The following MYH11 variants were observed in gnomAD, a reference collection of about 807,000 sequenced individuals.
The protein encoded by MYH11 is myosin-11.
A neutral mutation model predicts 246.6 loss-of-function variants in MYH11; 80 were observed. That is an observed-to-expected ratio of 0.32 (90% CI 0.27 to 0.39). The LOEUF (loss-of-function observed/expected upper bound fraction) is 0.39, where lower values mean the gene tolerates loss of function less well. Among genes scored for constraint, MYH11 ranks in the 10% least tolerant of loss-of-function variants. The pLI is 1.00. For missense variants in MYH11, 2,158 were observed against 2,546.8 expected (o/e 0.85, Z 3.29); for synonymous variants, 1,071 against 1,015.5 (o/e 1.05, Z -1.04).
chr16:15,752,566 C>A (rs1377625896), intron 15 of MYH11, among the ~76,000 whole-genome samples: 11 of 152,134 alleles, frequency 7.2e-5, no homozygotes, highest in Admixed American at 7.2e-4. Flanking sequence ...GTAGGCCCAG[C>A]CATCTGGGTT....
At position 15,717,316 on chromosome 16, in the gene MYH11, C is replaced by T. The variant is rs773366562; in HGVS notation, c.5328G>A (p.Glu1776=). The T allele has an allele frequency of 8.1e-6, 13 of 1,611,162 alleles. No individual in the cohort carries two copies. The highest frequency in any genetic ancestry group is 1.1e-5 in the Non-Finnish European group (13 of 1,180,032). ...TCTCATTCTTCTGGGCCGTGCTGCG[C>T]TCTGTGGCCAGCTCGTTGCTGAGCT... is the stretch of plus-strand genomic sequence containing the variant. ...AEQLSNELAT[E]RSTAQKNESA... is the part of the protein sequence containing the mutation. Residue 1776 remains glutamate, a synonymous_variant, in exon 38 of 41, where the codon GAG becomes GAA. Transcript: ENST00000300036.
intron 3 of MYH11, among the ~76,000 whole-genome samples, chr16:15,821,285 G>C (rs2151356994): frequency 6.6e-6 from 1 of 152,186 alleles, no homozygotes; most frequent in Middle Eastern, 3.4e-3. Context: ...TCTTTTTCTG[G>C]AACGAATTAT....
intron 20 of MYH11, chr16:15,742,193 A>T: frequency 2.0e-6 from 1 of 499,038 alleles, no homozygotes; most frequent in Non-Finnish European, 3.7e-6. Context: ...TCAGAGCACC[A>T]GAAAAGGTAC....
intron 3 of MYH11, 118 bp from the exon 4 acceptor site, chr16:15,798,805 G>A (rs2042814164): frequency 1.8e-6 from 2 of 1,113,120 alleles, no homozygotes; most frequent in Non-Finnish European, 1.3e-6. Context: ...TGGCCTCATT[G>A]GAAGTGACAA....
chr16:15,818,557 CCT>C (rs375227346), intron 3 of MYH11, among the ~76,000 whole-genome samples: 2,255 of 152,116 alleles, frequency 0.015, 60 homozygotes, highest in African/African-American at 0.049. Context: ...CTCAGCACCC[CCT>C]GAGTAGCTGG....
chr16:15,800,379 G>A (rs1328442883), intron 3 of MYH11, among the ~76,000 whole-genome samples: 2 of 151,820 alleles, frequency 1.3e-5, no homozygotes, highest in African/African-American at 4.8e-5. Context: ...TGGGTGGGTA[G>A]GTGGACGAAT....
chr16:15,798,898 C>T (rs1349939694), intron 3 of MYH11, among the ~76,000 whole-genome samples: 1 of 152,148 alleles, frequency 6.6e-6, no homozygotes, highest in Non-Finnish European at 1.5e-5. Context: ...GAGGCAGCCC[C>T]AGAAAGATGC....
chr16:15,738,555 G>A lies in MYH11; in HGVS notation c.3121+10C>T, dbSNP rs1269119636. 6.8e-6 allele frequency: 11 copies of A among 1,605,986 alleles called. No homozygotes were observed. The highest frequency in any genetic ancestry group is 9.4e-6 in the Non-Finnish European group (11 of 1,175,914). On this transcript the variant is annotated intron_variant, in intron 24 of 40. Coordinates refer to ENST00000300036, the MANE Select transcript of MYH11 (RefSeq NM_002474.3). ...TAAAATAAAAATAAATCTCTTGGTAGCTGGTTTACCTTCCAGTTCTGAAAT... is the reference window on the plus strand; with the variant it reads ...TAAAATAAAAATAAATCTCTTGGTAACTGGTTTACCTTCCAGTTCTGAAAT...
At chr16:15,855,911 C>T (rs2044454587) in intron 1 of MYH11, among the ~76,000 whole-genome samples, 2 of 152,334 alleles carry the variant, frequency 1.3e-5, no homozygotes, top group South Asian at 2.1e-4. Context: ...TGCAACTAAA[C>T]ACTCCCACCT....
intron 4 of MYH11, among the ~76,000 whole-genome samples, chr16:15,794,380 C>T (rs2042693589): frequency 6.6e-6 from 1 of 152,232 alleles, no homozygotes; most frequent in African/African-American, 2.4e-5. Context: ...AATTTCACAA[C>T]AAGCAAAATA....
chr16:15,784,969 G>A, intron 5 of MYH11: 1 of 418,436 alleles, frequency 2.4e-6, no homozygotes, highest in Non-Finnish European at 4.3e-6. Flanking sequence ...AAGTAGCTAA[G>A]ACTACAGGCA....
At chr16:15,709,796 C>G (rs1302119847) in intron 40 of MYH11, among the ~76,000 whole-genome samples, 2 of 152,168 alleles carry the variant, frequency 1.3e-5, no homozygotes, top group African/African-American at 2.4e-5. Flanking sequence ...CCGCCTGTCC[C>G]TTGGTTTATG....
At chr16:15,709,751 C>T (rs992273713) in intron 40 of MYH11, among the ~76,000 whole-genome samples, 1 of 152,206 alleles carries the variant, frequency 6.6e-6, no homozygotes, top group African/African-American at 2.4e-5. Context: ...AGTGTTGGAA[C>T]AGAAGCCAAG....
chr16:15,777,600 G>A (rs1380741174), intron 7 of MYH11, among the ~76,000 whole-genome samples: 1 of 152,166 alleles, frequency 6.6e-6, no homozygotes, highest in African/African-American at 2.4e-5. Context: ...CAGGACAAGA[G>A]GGCCCTGGCT....
intron 40 of MYH11, among the ~76,000 whole-genome samples, chr16:15,712,425 G>A (rs1015801259): frequency 6.6e-6 from 1 of 152,086 alleles, no homozygotes; most frequent in Non-Finnish European, 1.5e-5. Context: ...TGAGGCGGGT[G>A]GATCACAAGA....
At chr16:15,706,374 A>G (rs1852273741) in intron 40 of MYH11, among the ~76,000 whole-genome samples, 1 of 152,034 alleles carries the variant, frequency 6.6e-6, no homozygotes, top group Non-Finnish European at 1.5e-5. Context: ...CGCTCCCCAC[A>G]CAGCTCTCTT....
intron 2 of MYH11, among the ~76,000 whole-genome samples, chr16:15,836,750 G>T (rs2043908346): frequency 7.7e-6 from 1 of 130,188 alleles, no homozygotes; most frequent in Non-Finnish European, 1.6e-5. Flanking sequence ...TTGAGATGGA[G>T]TTTCGCTCTT....
intron 32 of MYH11, 178 bp from the exon 33 acceptor site, chr16:15,721,229 C>G: frequency 2.1e-6 from 2 of 939,288 alleles, no homozygotes; most frequent in Non-Finnish European, 3.3e-6. Flanking sequence ...TCCTCGGACC[C>G]CCCAACTCAG....
chr16:15,745,013 T>C (rs1330321163), intron 20 of MYH11, 116 bp downstream of exon 20: 1 of 801,644 alleles, frequency 1.2e-6, no homozygotes, highest in African/African-American at 1.7e-5. Flanking sequence ...AGGTCTGAGT[T>C]CGAGCCCTCC....
Sources: gnomAD v4.1 joint callset for allele counts (sites outside exome capture counted in the v4.1 genomes callset) on GRCh38, gnomAD v4.1.1 for gene constraint, MANE v1.5 for transcripts, NCBI Gene and HGNC (gene_info 2026-07-23, HGNC 2026-07-21) for gene names.